The following CEP55 variants were observed in gnomAD, a reference collection of about 807,000 sequenced individuals.
CEP55 encodes the protein centrosomal protein of 55 kDa.
A neutral mutation model predicts 63.2 loss-of-function variants in CEP55; 57 were observed. That is an observed-to-expected ratio of 0.90 (90% confidence interval 0.73 to 1.13). The LOEUF is 1.13. Ranked by LOEUF, CEP55 falls within the 50% of genes most tolerant of loss-of-function variation. The pLI is 0.00. For missense variants in CEP55, 456 were observed against 518.9 expected (o/e 0.88, Z 1.18); for synonymous variants, 178 against 191.6 (o/e 0.93, Z 0.59).
At chr10:93,506,610 C>T (rs2057691074) in intron 3 of CEP55, among the ~76,000 whole-genome samples, 1 of 152,148 alleles carries the variant, frequency 6.6e-6, no homozygotes, top group Non-Finnish European at 1.5e-5. Context: ...CTCTATTGCT[C>T]AGGCTGGAGT....
chr10:93,518,191 C>T (rs950579207), intron 6 of CEP55, among the ~76,000 whole-genome samples: 5 of 151,864 alleles, frequency 3.3e-5, no homozygotes, highest in Admixed American at 2.6e-4. Flanking sequence ...GCTCTGTCGC[C>T]CAGGCTGGAA....
intron 8 of CEP55, 173 bp downstream of exon 8, chr10:93,519,980 A>G (rs904839019): frequency 5.9e-6 from 4 of 672,276 alleles, no homozygotes; most frequent in African/African-American, 1.8e-5. Context: ...TTCAGAGGAC[A>G]TGAAAGAGGG....
intron 4 of CEP55, among the ~76,000 whole-genome samples, chr10:93,511,012 C>T (rs916596840): frequency 1.3e-5 from 2 of 149,672 alleles, no homozygotes; most frequent in Non-Finnish European, 2.9e-5. Flanking sequence ...GGTCTCAGCT[C>T]ACTGCAACCT....
intron 7 of CEP55, among the ~76,000 whole-genome samples, chr10:93,519,318 A>G (rs2057833777): frequency 6.6e-6 from 1 of 152,180 alleles, no homozygotes; most frequent in Non-Finnish European, 1.5e-5. Flanking sequence ...TAGTCTCAGA[A>G]TGTATTATAA....
intron 1 of CEP55, among the ~76,000 whole-genome samples, chr10:93,499,123 T>C (rs2057605117): frequency 6.6e-6 from 1 of 152,188 alleles, no homozygotes; most frequent in Non-Finnish European, 1.5e-5. Context: ...TCTCCTTACT[T>C]AATTTGGCCC....
In CEP55 at chr10:93,528,353, A is replaced by T; in HGVS notation, c.*200A>T. ...TGATACCTCCCTGACATGGTTCATC[A>T]TCAGGCTGCAATGACAGAATGTGGT... is the stretch of plus-strand genomic sequence containing the variant. On this transcript the variant is annotated 3_prime_UTR_variant, in exon 9 of 9. Coordinates refer to ENST00000371485, the MANE Select transcript of CEP55 (RefSeq NM_018131.5). 1.7e-6 allele frequency: 1 copy of T among 585,046 alleles called. No individual in the cohort carries two copies. Among genetic ancestry groups the T allele is most frequent in the South Asian group, 2.0e-5 (1 of 48,874 alleles). 36.2% of individuals were successfully genotyped at this position (585,046 alleles called of 1,614,324 possible).
intron 2 of CEP55, among the ~76,000 whole-genome samples, chr10:93,501,377 A>C (rs970048435): frequency 5.9e-5 from 9 of 152,316 alleles, no homozygotes; most frequent in African/African-American, 2.2e-4. Context: ...AAGTGCTTTT[A>C]TTGTTTGTAT....
At chr10:93,506,887 C>T (rs992940124) in intron 3 of CEP55, 101 bp from the exon 4 acceptor site, 15 of 816,268 alleles carry the variant, frequency 1.8e-5, no homozygotes, top group South Asian at 1.4e-4. Context: ...ATCTGGATTT[C>T]GGGATGCCCC....
At chr10:93,518,783 AGATGTGAGACTTGT>A in intron 6 of CEP55, 80 bp from the exon 7 acceptor site, 1 of 782,640 alleles carries the variant, frequency 1.3e-6, no homozygotes, top group African/African-American at 1.7e-5. Flanking sequence ...TCCTGGTTAG[AGATGTGAGACTTGT>A]GATGTGAGCT....
chr10:93,503,338 T>G lies in CEP55; in HGVS notation c.409T>G (p.Ser137Ala). The G allele has an allele frequency of 1.9e-6, 3 of 1,614,146 alleles. No individual in the cohort carries two copies. In the South Asian group the frequency reaches 3.3e-5, roughly 18 times the overall value. The change falls in exon 3 of 9, where the codon TCA (serine) becomes GCA (alanine). Residue 137 changes from serine to alanine, a missense_variant. Ser to Ala is a moderately conservative substitution (Grantham distance 99, BLOSUM62 1). Transcript: ENST00000371485. ...GAAACAACAGTTGTCTGCTGCAACC[T>G]CACGAATTGCTGAACTTGAAAGCAA... Reference protein sequence around the residue: ...VLKQQLSAATSRIAELESKTN... With the variant: ...VLKQQLSAATARIAELESKTN...
At chr10:93,498,203 G>A (rs1369116700) in intron 1 of CEP55, among the ~76,000 whole-genome samples, 1 of 152,054 alleles carries the variant, frequency 6.6e-6, no homozygotes, top group Non-Finnish European at 1.5e-5. Context: ...GAGGTTGGTG[G>A]GACTAGGTGG....
intron 4 of CEP55, among the ~76,000 whole-genome samples, chr10:93,509,600 C>T (rs1280642632): frequency 6.6e-6 from 1 of 152,060 alleles, no homozygotes; most frequent in African/African-American, 2.4e-5. Context: ...ATTCTCATGC[C>T]TCAGCCTCCT....
In CEP55 at chr10:93,517,047, A is replaced by T; in HGVS notation, c.792A>T (p.Glu264Asp). ...CTCAGCTGAGTTTTGAACTGAGTGA[A>T]TTTCGAAGAAAATATGAAGAAACCC... ...TITQLSFELS[E>D]FRRKYEETQK... Residue 264 changes from glutamate (E) to aspartate (D), a missense_variant, in exon 6 of 9, where the codon GAA (glutamate) becomes GAT (aspartate). Physicochemically the swap from Glu to Asp is conservative, Grantham distance 45. Coordinates refer to ENST00000371485, the MANE Select transcript of CEP55 (RefSeq NM_018131.5). 2 of 1,614,086 alleles carry T rather than the reference A, an allele frequency of 1.2e-6. No individual in the cohort carries two copies. The highest frequency in any genetic ancestry group is 1.7e-6 in the Non-Finnish European group (2 of 1,179,956).
intron 8 of CEP55, chr10:93,520,060 C>A (rs774420027): frequency 6.1e-6 from 3 of 493,258 alleles, no homozygotes; most frequent in Non-Finnish European, 1.1e-5. Flanking sequence ...CTAAATAGTG[C>A]CTGAGCTGGG....
chr10:93,500,256 T>C (rs1169464926), intron 2 of CEP55, 22 bp downstream of exon 2: 2 of 1,577,058 alleles, frequency 1.3e-6, no homozygotes, highest in Non-Finnish European at 1.7e-6. Flanking sequence ...TCTGATCCTT[T>C]AAATTGTAAG....
At chr10:93,499,752 C>T (rs1030659120) in intron 1 of CEP55, among the ~76,000 whole-genome samples, 2 of 152,058 alleles carry the variant, frequency 1.3e-5, no homozygotes, top group African/African-American at 4.8e-5. Flanking sequence ...GAACTCCTGA[C>T]CTCATGATCC....
At chr10:93,523,372 TCAA>T (rs1451900647) in intron 8 of CEP55, among the ~76,000 whole-genome samples, 1 of 152,070 alleles carries the variant, frequency 6.6e-6, no homozygotes, top group Admixed American at 6.6e-5. Context: ...AGGGATCAAT[TCAA>T]CAACAAGAGC....
chr10:93,516,975 C>A lies in CEP55; in HGVS notation c.720C>A (p.Leu240=). 10 of 1,600,968 alleles carry A rather than the reference C, an allele frequency of 6.2e-6. No homozygotes were observed. Among genetic ancestry groups the A allele is most frequent in the Non-Finnish European group, 8.5e-6 (10 of 1,170,832 alleles). The change falls in exon 6 of 9, where the codon CTC becomes CTA. Residue 240 remains leucine, a synonymous_variant. Coordinates refer to ENST00000371485, the MANE Select transcript of CEP55 (RefSeq NM_018131.5). The part of the protein sequence containing the change: ...QEEKQKCYND[L]LASAKKDLEV... Reference sequence around the variant, plus strand: ...AGAAGCAGAAATGTTACAACGATCTCTTGGCAAGTGCAAAAAAAGATCTTG... The same window carrying A: ...AGAAGCAGAAATGTTACAACGATCTATTGGCAAGTGCAAAAAAAGATCTTG...
intron 8 of CEP55, among the ~76,000 whole-genome samples, chr10:93,526,875 T>C (rs1410427127): frequency 2.0e-5 from 3 of 152,076 alleles, no homozygotes; most frequent in African/African-American, 7.2e-5. Context: ...TAGGTGGGAT[T>C]TGAACAATGA....
Sources: gnomAD v4.1 joint callset for allele counts (sites outside exome capture counted in the v4.1 genomes callset) on GRCh38, gnomAD v4.1.1 for gene constraint, MANE v1.5 for transcripts, NCBI Gene and HGNC (gene_info 2026-07-23, HGNC 2026-07-21) for gene names.